TBC1D2: variants seen among roughly 807,000 people sequenced by gnomAD.
The protein encoded by TBC1D2 is TBC1 domain family member 2.
A neutral mutation model predicts 91.1 loss-of-function variants in TBC1D2; 58 were observed. The ratio of observed to expected loss-of-function variants is 0.64; its 90% confidence interval spans 0.52 to 0.79. The LOEUF (loss-of-function observed/expected upper bound fraction) is 0.79. TBC1D2 is among the 30% of genes least tolerant of loss of function. The probability of loss-of-function intolerance (pLI) is 0.00; values close to 1 mark genes in which losing one functional copy is unlikely to be tolerated. For synonymous variants in TBC1D2, 482 were observed against 511.5 expected (o/e 0.94, Z 0.78); for missense variants, 1,080 against 1,208.3 (o/e 0.89, Z 1.57).
chr9:98,243,864 G>T, intron 3 of TBC1D2, 130 bp downstream of exon 3: 1 of 1,255,982 alleles, frequency 8.0e-7, no homozygotes, highest in Non-Finnish European at 1.1e-6. Context: ...GTGATGATGT[G>T]ATTAATTGAA....
chr9:98,231,352 T>C (rs572251521), intron 4 of TBC1D2, among the ~76,000 whole-genome samples: 1 of 151,556 alleles, frequency 6.6e-6, no homozygotes, highest in East Asian at 1.9e-4. Context: ...GTGTTTTTTA[T>C]TAGTGTTCAA....
intron 9 of TBC1D2, among the ~76,000 whole-genome samples, 168 bp downstream of exon 9, chr9:98,208,500 T>A (rs1447998534): frequency 6.6e-6 from 1 of 152,162 alleles, no homozygotes; most frequent in Admixed American, 6.6e-5. Context: ...CTGCCGCTGA[T>A]CTGACAGGAG....
chr9:98,222,182 G>A (rs1829116547), intron 5 of TBC1D2, among the ~76,000 whole-genome samples: 1 of 152,158 alleles, frequency 6.6e-6, no homozygotes, highest in Non-Finnish European at 1.5e-5. Flanking sequence ...GAAAACCAGG[G>A]GTGGCAGCTA....
chr9:98,222,100 G>C (rs1335320774), intron 5 of TBC1D2, among the ~76,000 whole-genome samples: 1 of 152,148 alleles, frequency 6.6e-6, no homozygotes, highest in African/African-American at 2.4e-5. Context: ...TGAACAAACT[G>C]AGGCCCAGCA....
At chr9:98,211,035 G>C (rs1426218804) in intron 7 of TBC1D2, among the ~76,000 whole-genome samples, 192 bp from the exon 8 acceptor site, 1 of 152,250 alleles carries the variant, frequency 6.6e-6, no homozygotes, top group Non-Finnish European at 1.5e-5. Flanking sequence ...AGGCAAGAGA[G>C]GCCCAGGCCC....
intron 7 of TBC1D2, among the ~76,000 whole-genome samples, chr9:98,211,761 C>T (rs1828846539): frequency 6.6e-6 from 1 of 151,806 alleles, no homozygotes; most frequent in Non-Finnish European, 1.5e-5. Context: ...GCCTGGGCTG[C>T]TTCCTGAGTC....
intron 9 of TBC1D2, among the ~76,000 whole-genome samples, chr9:98,206,372 C>T (rs1339346481): frequency 2.6e-5 from 4 of 152,158 alleles, no homozygotes; most frequent in South Asian, 2.1e-4. Flanking sequence ...TTAGAAAACC[C>T]GTCTGGGGAC....
chr9:98,200,116 C>T, intron 12 of TBC1D2, 137 bp downstream of exon 12: 7 of 1,311,850 alleles, frequency 5.3e-6, no homozygotes, highest in African/African-American at 1.5e-5. Flanking sequence ...GTCAGACTTC[C>T]CCAAAGATTT....
chr9:98,234,947 T>A, intron 3 of TBC1D2: 1 of 177,886 alleles, frequency 5.6e-6, no homozygotes, highest in Non-Finnish European at 1.2e-5. Flanking sequence ...GGCTCACGCC[T>A]GTAATCCCAG....
chr9:98,213,412 G>T, intron 6 of TBC1D2, 194 bp from the exon 7 acceptor site: 1 of 1,396,162 alleles, frequency 7.2e-7, no homozygotes, highest in East Asian at 2.8e-5. Flanking sequence ...GCATGATGTG[G>T]TAAAGGGACC....
At chr9:98,202,750 A>G (rs748648662) in intron 10 of TBC1D2, among the ~76,000 whole-genome samples, 3 of 152,256 alleles carry the variant, frequency 2.0e-5, no homozygotes, top group Non-Finnish European at 4.4e-5. Context: ...GAAATTTTCC[A>G]TAATAAAATA....
intron 3 of TBC1D2, among the ~76,000 whole-genome samples, chr9:98,241,450 G>T (rs1342720825): frequency 2.0e-5 from 3 of 152,168 alleles, no homozygotes; most frequent in East Asian, 1.9e-4. Flanking sequence ...GGACACAAAG[G>T]CAGCTCTCAT....
chr9:98,233,004 G>A (rs913416957), intron 4 of TBC1D2, among the ~76,000 whole-genome samples: 5 of 152,194 alleles, frequency 3.3e-5, no homozygotes, highest in Admixed American at 1.3e-4. Flanking sequence ...TTTTAGTAGC[G>A]TGGTGGTATT....
At chr9:98,255,064 C>T (rs2131306600) in intron 1 of TBC1D2, 109 bp downstream of exon 1, 5 of 1,476,590 alleles carry the variant, frequency 3.4e-6, no homozygotes, top group Non-Finnish European at 4.5e-6. Flanking sequence ...GAACTGTCGT[C>T]ACCGACACTC....
chr9:98,232,040 TA>T (rs1347370581), intron 4 of TBC1D2, among the ~76,000 whole-genome samples: 1 of 152,154 alleles, frequency 6.6e-6, no homozygotes, highest in Middle Eastern at 3.2e-3. Context: ...TTTGGGGTAA[TA>T]AAAATGTTCT....
At chr9:98,213,543 G>A (rs1828901311) in intron 6 of TBC1D2, 1 of 466,260 alleles carries the variant, frequency 2.1e-6, no homozygotes, top group Non-Finnish European at 3.2e-6. Flanking sequence ...CTAACCTACT[G>A]GGCAGTTGGG....
intron 12 of TBC1D2, among the ~76,000 whole-genome samples, 195 bp downstream of exon 12, chr9:98,200,058 T>C (rs941003323): frequency 6.6e-6 from 1 of 152,132 alleles, no homozygotes; most frequent in Non-Finnish European, 1.5e-5. Flanking sequence ...TGAAACTCCA[T>C]GGAGGCCTCA....
chr9:98,224,073 G>C (rs1380598544), intron 5 of TBC1D2, among the ~76,000 whole-genome samples: 1 of 151,880 alleles, frequency 6.6e-6, no homozygotes, highest in Non-Finnish European at 1.5e-5. Context: ...GGTGGCGGGT[G>C]CCTGTAGTCC....
intron 8 of TBC1D2, among the ~76,000 whole-genome samples, chr9:98,209,679 G>A (rs1828760930): frequency 6.6e-6 from 1 of 151,882 alleles, no homozygotes; most frequent in African/African-American, 2.4e-5. Flanking sequence ...TAATCCTAAT[G>A]ATCCTGCAAA....
Sources: allele counts gnomAD v4.1 joint callset (sites outside exome capture counted in the v4.1 genomes callset), GRCh38; gene constraint gnomAD v4.1.1; transcripts MANE v1.5; gene names NCBI Gene and HGNC (gene_info 2026-07-23, HGNC 2026-07-21).